Variants in ABCA12 observed in about 807,000 individuals in gnomAD.
The protein encoded by ABCA12 is glucosylceramide transporter ABCA12.
A neutral mutation model predicts 293.5 loss-of-function variants in ABCA12; 156 were observed. The observed-to-expected ratio is 0.53, with a 90% CI of 0.47 to 0.61. The LOEUF is 0.61. Among genes scored for constraint, ABCA12 ranks in the 20% least tolerant of loss-of-function variants. The pLI is 0.00. For missense variants in ABCA12, 2,797 were observed against 3,090.2 expected (o/e 0.91, Z 2.25); for synonymous variants, 1,063 against 1,108.0 (o/e 0.96, Z 0.81).
Position 215,055,409 on chromosome 2 carries a change from G to A in ABCA12, c.318-745C>T, listed in dbSNP as rs559586344. ...TTTTTGTTTAGTTTGTTATTAAAAT[G>A]GAGATGATCACATTTTCTTGAAAAC... On this transcript the variant is annotated intron_variant, in intron 3 of 52. Coordinates refer to ENST00000272895, the MANE Select transcript of ABCA12 (RefSeq NM_173076.3). Among the ~76,000 whole-genome samples, 4 of 152,094 alleles carry A rather than the reference G, an allele frequency of 2.6e-5. 1 individual carries two copies. Among genetic ancestry groups the A allele is most frequent in the Admixed American group, 2.6e-4 (4 of 15,242 alleles).
chr2:215,101,439 C>T (rs1442511310), intron 2 of ABCA12, among the ~76,000 whole-genome samples: 1 of 152,168 alleles, frequency 6.6e-6, no homozygotes, highest in African/African-American at 2.4e-5. Flanking sequence ...TAGGGTAATA[C>T]TCTGCCATTT....
At chr2:214,986,867 T>A in intron 27 of ABCA12, 139 bp from the exon 28 acceptor site, 1 of 823,444 alleles carries the variant, frequency 1.2e-6, no homozygotes, top group Non-Finnish European at 1.9e-6. Context: ...AACAAATGAT[T>A]TATTATAGTC....
chr2:215,115,944 G>A (rs1702676890), intron 1 of ABCA12, among the ~76,000 whole-genome samples: 1 of 152,144 alleles, frequency 6.6e-6, no homozygotes, highest in African/African-American at 2.4e-5. Context: ...ACAGGACAGA[G>A]GCAGTGGCAG....
chr2:215,082,156 T>C (rs965108185), intron 2 of ABCA12, among the ~76,000 whole-genome samples: 1 of 148,204 alleles, frequency 6.7e-6, no homozygotes, highest in African/African-American at 2.5e-5. Flanking sequence ...GCCATTCTCC[T>C]GCCTCAGCCT....
chr2:215,016,046 A>T (rs1019162309), intron 14 of ABCA12, among the ~76,000 whole-genome samples: 19 of 151,788 alleles, frequency 1.3e-4, no homozygotes, highest in African/African-American at 4.6e-4. Context: ...CGGGAGGCGG[A>T]GGCAGGAGAA....
At chr2:214,970,826 A>T (rs1435731101) in intron 36 of ABCA12, among the ~76,000 whole-genome samples, 1 of 152,122 alleles carries the variant, frequency 6.6e-6, no homozygotes, top group African/African-American at 2.4e-5. Context: ...AGTGGATGAA[A>T]AGTTTATGAT....
chr2:215,019,242 TG>T, intron 13 of ABCA12, 93 bp downstream of exon 13: 2 of 1,127,682 alleles, frequency 1.8e-6, no homozygotes, highest in Non-Finnish European at 2.7e-6. Context: ...AAAGCGAGTT[TG>T]GTTGGGAACT....
chr2:215,059,318 A>T (rs1701482147), intron 3 of ABCA12, among the ~76,000 whole-genome samples: 1 of 152,026 alleles, frequency 6.6e-6, no homozygotes, highest in Non-Finnish European at 1.5e-5. Context: ...CAGTGATTTG[A>T]CGCAGTTGTC....
chr2:214,984,094 C>CTTTTT (rs397987755), intron 28 of ABCA12, among the ~76,000 whole-genome samples: 14,674 of 92,840 alleles, frequency 0.16, 1,767 homozygotes, highest in Non-Finnish European at 0.17. Context: ...ACGATCAGGC[C>CTTTTT]TTTTTTTTTT....
chr2:214,970,853 G>T (rs1052006091), intron 36 of ABCA12, among the ~76,000 whole-genome samples: 6 of 151,990 alleles, frequency 3.9e-5, no homozygotes, highest in Non-Finnish European at 5.9e-5. Context: ...GTTTTAGTAT[G>T]CAACCTAAGA....
intron 2 of ABCA12, among the ~76,000 whole-genome samples, chr2:215,080,560 TAA>T (rs1701917461): frequency 1.3e-5 from 2 of 151,908 alleles, no homozygotes; most frequent in Non-Finnish European, 2.9e-5. Flanking sequence ...ATCATAGAAC[TAA>T]GACACATTCT....
rs570164160 is a variant in ABCA12, at chr2:214,943,435, C to T, written c.7344-418G>A. On this transcript the variant is annotated intron_variant, in intron 49 of 52. Coordinates refer to ENST00000272895, the MANE Select transcript of ABCA12 (RefSeq NM_173076.3). ...GTGCAGGGATTACAGGCATGAGCCA[C>T]CGTGCCTGGCCTAGTTTCTTGATTC... Among the ~76,000 whole-genome samples the T allele has an allele frequency of 2.0e-5, 3 of 152,248 alleles. No individual in the cohort carries two copies. The East Asian group carries it at 5.8e-4, about 29-fold the overall frequency.
At chr2:214,940,587 C>G (rs560270936) in intron 50 of ABCA12, among the ~76,000 whole-genome samples, 2 of 152,260 alleles carry the variant, frequency 1.3e-5, no homozygotes, top group African/African-American at 4.8e-5. Flanking sequence ...GTGAATCCAT[C>G]TGGTCCTGGG....
chr2:215,066,507 C>T (rs1701642715), intron 2 of ABCA12, among the ~76,000 whole-genome samples: 1 of 152,090 alleles, frequency 6.6e-6, no homozygotes, highest in African/African-American at 2.4e-5. Flanking sequence ...ATTACCTTTC[C>T]TGGCATTCAT....
intron 2 of ABCA12, 125 bp from the exon 3 acceptor site, chr2:215,064,344 GC>G: frequency 1.1e-6 from 1 of 943,288 alleles, no homozygotes; most frequent in Non-Finnish European, 1.7e-6. Context: ...CCCCAACTGA[GC>G]CCCAACTCTG....
chr2:215,056,142 C>T (rs931937136), intron 3 of ABCA12, among the ~76,000 whole-genome samples: 3 of 151,804 alleles, frequency 2.0e-5, no homozygotes, highest in Non-Finnish European at 4.4e-5. Flanking sequence ...ATGGAAAGAG[C>T]AAGAGAAAAT....
chr2:214,999,929 A>G (rs533020139), intron 22 of ABCA12: 1 of 548,614 alleles, frequency 1.8e-6, no homozygotes, highest in East Asian at 1.5e-4. Context: ...AATTGTATAT[A>G]AACTGCAATA....
Position 214,989,384 on chromosome 2 carries a change from T to C in ABCA12, c.3774A>G (p.Leu1258=). 6.2e-7 allele frequency: 1 copy of C among 1,613,620 alleles called. No homozygotes were observed. The highest frequency in any genetic ancestry group is 8.5e-7 in the Non-Finnish European group (1 of 1,179,932). ...TSFGWLCCLI[L]ADSFIYFLIA... ...TAAGGAAATAAATGAAAGAGTCAGC[T>C]AGGATTAGACAGCACAGCCAGCCAA... is the stretch of plus-strand genomic sequence containing the variant. The change falls in exon 26 of 53, where the codon CTA becomes CTG. Residue 1258 remains leucine, a synonymous_variant. Transcript: ENST00000272895.
chr2:215,028,340 T>C (rs1700795939), intron 9 of ABCA12, among the ~76,000 whole-genome samples: 1 of 152,230 alleles, frequency 6.6e-6, no homozygotes, highest in South Asian at 2.1e-4. Flanking sequence ...GCAAGAAAAG[T>C]CTCTAACTTG....
Sources: gnomAD v4.1 joint callset for allele counts (sites outside exome capture counted in the v4.1 genomes callset) on GRCh38, gnomAD v4.1.1 for gene constraint, MANE v1.5 for transcripts, NCBI Gene and HGNC (gene_info 2026-07-23, HGNC 2026-07-21) for gene names.